TMEM43: variants seen among roughly 807,000 people sequenced by gnomAD.
The protein encoded by TMEM43 is transmembrane protein 43.
A neutral mutation model predicts 49.6 loss-of-function variants in TMEM43; 45 were observed. The ratio of observed to expected loss-of-function variants is 0.91; its 90% confidence interval spans 0.71 to 1.16. The LOEUF (loss-of-function observed/expected upper bound fraction) is 1.16. Among genes scored for constraint, TMEM43 ranks in the 50% most tolerant of loss-of-function variants. TMEM43 has a pLI of 0.00. For synonymous variants in TMEM43, 199 were observed against 207.8 expected (o/e 0.96, Z 0.36); for missense variants, 532 against 516.6 (o/e 1.03, Z -0.29).
chr3:14,129,371 A>C (rs776720890), intron 1 of TMEM43, 41 bp from the exon 2 acceptor site: 1 of 1,506,810 alleles, frequency 6.6e-7, no homozygotes, highest in Non-Finnish European at 9.0e-7. Context: ...ATTTATTTTT[A>C]AAAACTAGTT....
chr3:14,125,081 A>C lies in TMEM43; in HGVS notation c.-113A>C, dbSNP rs535621654. 9.2e-6 allele frequency: 13 copies of C among 1,409,802 alleles called. No individual in the cohort carries two copies. The East Asian group carries it at 9.6e-5, about 10-fold the overall frequency. 87.3% of individuals were successfully genotyped at this position (1,409,802 alleles called of 1,614,324 possible). On this transcript the variant is annotated 5_prime_UTR_variant, in exon 1 of 12. Transcript: ENST00000306077. ...TAAGTCCCGCTTGGCCCTGGAGTCC[A>C]CGCGGATTTTCGAAGCTGGGGCTGG...
chr3:14,134,697 G>A lies in TMEM43; in HGVS notation c.584-73G>A, dbSNP rs532124807. The A allele has an allele frequency of 2.4e-5, 39 of 1,606,778 alleles. No homozygotes were observed. In the African/African-American group the frequency reaches 4.3e-4, roughly 18 times the overall value. Reference sequence around the variant, plus strand: ...GGCTCCAGGGGTGCAGTGGAAGGGGGTCAGGCCAGGGACTTTGCAGATTGA... The same window carrying A: ...GGCTCCAGGGGTGCAGTGGAAGGGGATCAGGCCAGGGACTTTGCAGATTGA... On this transcript the variant is annotated intron_variant, in intron 7 of 11. Coordinates refer to ENST00000306077, the MANE Select transcript of TMEM43 (RefSeq NM_024334.3).
At chr3:14,132,431 G>GT in intron 4 of TMEM43, 115 bp from the exon 5 acceptor site, 2 of 1,052,564 alleles carry the variant, frequency 1.9e-6, no homozygotes, top group East Asian at 4.8e-5. Flanking sequence ...GGCATCTGCC[G>GT]TATCTGGGGA....
rs1285837389 is a variant in TMEM43, at chr3:14,139,190, A to C, written c.893A>C (p.His298Pro). 1.9e-6 allele frequency: 3 copies of C among 1,613,788 alleles called. No homozygotes were observed. Among genetic ancestry groups the C allele is most frequent in the East Asian group, 4.5e-5 (2 of 44,868 alleles). ...CACCTTGTCCTGCAGGAGGTGTTTC[A>C]TAGAGAACTAAGGAGCAACTCCATG... is the stretch of plus-strand genomic sequence containing the variant. ...HGDFSAEEVF[H>P]RELRSNSMKT... is the part of the protein sequence containing the mutation. Residue 298 changes from histidine to proline, a missense_variant, in exon 11 of 12, where the codon CAT becomes CCT. Physicochemically the swap from His to Pro is moderately conservative, Grantham distance 77. Coordinates refer to ENST00000306077, the MANE Select transcript of TMEM43 (RefSeq NM_024334.3).
intron 2 of TMEM43, 23 bp from the exon 3 acceptor site, chr3:14,130,799 T>TC (rs35334148): frequency 6.2e-7 from 1 of 1,612,908 alleles, no homozygotes; most frequent in South Asian, 1.1e-5. Context: ...GCTGTTGAAA[T>TC]CCCCACTCCC....
At chr3:14,131,705 G>A (rs1328689510) in intron 4 of TMEM43, 31 bp downstream of exon 4, 1 of 1,533,470 alleles carries the variant, frequency 6.5e-7, no homozygotes, top group Non-Finnish European at 9.0e-7. Context: ...CTCTGTTGGG[G>A]TAAAGGAGGA....
intron 10 of TMEM43, among the ~76,000 whole-genome samples, chr3:14,137,510 C>G (rs1695185891): frequency 6.6e-6 from 1 of 152,202 alleles, no homozygotes; most frequent in Admixed American, 6.5e-5. Context: ...GCCCTGTCTT[C>G]CCCCAGCCCA....
chr3:14,133,153 T>C (rs1261262751), intron 6 of TMEM43, among the ~76,000 whole-genome samples: 2 of 152,168 alleles, frequency 1.3e-5, no homozygotes, highest in Non-Finnish European at 2.9e-5. Flanking sequence ...GTCACAAATA[T>C]AAGGCCTGCA....
intron 8 of TMEM43, 35 bp from the exon 9 acceptor site, chr3:14,135,123 G>A (rs371182694): frequency 2.6e-5 from 42 of 1,597,208 alleles, no homozygotes; most frequent in Non-Finnish European, 3.3e-5. Context: ...CAGCTACTCC[G>A]TTCCTCACTC....
In TMEM43 at chr3:14,141,767, C is replaced by A; in HGVS notation, c.1175C>A (p.Thr392Lys). ...CTTGTGCCCATCCTTGTTGCTCGGA[C>A]ACGGGTGCCAGCCAAAAAGTTGGAG... is the stretch of plus-strand genomic sequence containing the variant. ...LALVPILVAR[T>K]RVPAKKLE Residue 392 changes from threonine (T) to lysine (K), a missense_variant, in exon 12 of 12, where the codon ACA becomes AAA. Coordinates refer to ENST00000306077, the MANE Select transcript of TMEM43 (RefSeq NM_024334.3). 1 of 1,613,888 alleles carries A rather than the reference C, an allele frequency of 6.2e-7. No homozygotes were observed.
chr3:14,135,269 G>T, intron 9 of TMEM43, 37 bp downstream of exon 9: 1 of 1,560,416 alleles, frequency 6.4e-7, no homozygotes, highest in South Asian at 1.1e-5. Context: ...CTAAGTCAGA[G>T]CCTCACGACT....
chr3:14,129,240 A>G (rs1358110954), intron 1 of TMEM43, among the ~76,000 whole-genome samples, 172 bp from the exon 2 acceptor site: 1 of 148,692 alleles, frequency 6.7e-6, no homozygotes, highest in Non-Finnish European at 1.5e-5. Context: ...GATGGAATAT[A>G]CGTTTGTGGA....
intron 5 of TMEM43, 61 bp downstream of exon 5, chr3:14,132,656 A>G (rs1574938163): frequency 5.7e-6 from 9 of 1,585,118 alleles, no homozygotes; most frequent in Non-Finnish European, 7.8e-6. Context: ...TGGTGGCTGG[A>G]CAGCAGGGCT....
intron 1 of TMEM43, among the ~76,000 whole-genome samples, chr3:14,126,025 C>T (rs1011008299): frequency 6.6e-6 from 1 of 152,182 alleles, no homozygotes; most frequent in African/African-American, 2.4e-5. Flanking sequence ...CCCAGACACA[C>T]CCTCCCTCCT....
chr3:14,132,823 C>T lies in TMEM43; in HGVS notation c.443-43C>T, dbSNP rs768069110. ...TGGGCTGGTGGGTCTCAGCCGCGTG[C>T]CACTCCTACCCGGGCTCTGAGTTGA... On this transcript the variant is annotated intron_variant, in intron 5 of 11. Transcript: ENST00000306077. 30 of 1,593,038 alleles carry T rather than the reference C, an allele frequency of 1.9e-5. No individual in the cohort carries two copies. The East Asian group carries it at 6.5e-4, about 34-fold the overall frequency.
chr3:14,140,053 T>C (rs753324957), intron 11 of TMEM43, among the ~76,000 whole-genome samples: 6 of 152,174 alleles, frequency 3.9e-5, no homozygotes, highest in Non-Finnish European at 8.8e-5. Flanking sequence ...AGAAACCTCT[T>C]CCCCACTCAG....
In TMEM43 at chr3:14,135,222, C is replaced by T; in HGVS notation, c.770C>T (p.Pro257Leu). ...GLSGDDPDLG[P>L]AHVVTVIARQ... is the part of the protein sequence containing the mutation. ...AGCGGCGATGACCCTGACCTGGGCC[C>T]AGCTCACGTGGTAACCTGGCTTCCC... is the stretch of plus-strand genomic sequence containing the variant. The change falls in exon 9 of 12, where the codon CCA (proline) becomes CTA (leucine). Residue 257 changes from proline to leucine, a missense_variant. Physicochemically the swap from Pro to Leu is moderately conservative, Grantham distance 98. Transcript: ENST00000306077. 6.2e-7 allele frequency: 1 copy of T among 1,612,194 alleles called. No individual in the cohort carries two copies. The highest frequency in any genetic ancestry group is 8.5e-7 in the Non-Finnish European group (1 of 1,179,934).
chr3:14,125,144 C>T lies in TMEM43; in HGVS notation c.-50C>T. 2 of 1,607,404 alleles carry T rather than the reference C, an allele frequency of 1.2e-6. No homozygotes were observed. Among genetic ancestry groups the T allele is most frequent in the African/African-American group, 2.7e-5 (2 of 75,006 alleles). Reference sequence around the variant, plus strand: ...GGACACCACGCTCCAGTCGTCAGCCCACTTCCTAGCTGAACAGCGCGAGGC... The same window carrying T: ...GGACACCACGCTCCAGTCGTCAGCCTACTTCCTAGCTGAACAGCGCGAGGC... On this transcript the variant is annotated 5_prime_UTR_variant, in exon 1 of 12. Transcript: ENST00000306077.
intron 9 of TMEM43, 40 bp from the exon 10 acceptor site, chr3:14,135,767 C>T (rs1695160650): frequency 1.3e-6 from 2 of 1,575,286 alleles, no homozygotes; most frequent in Non-Finnish European, 1.7e-6. Context: ...GTGTCTCCCG[C>T]TGGTCACCCC....
Sources: gnomAD v4.1 joint callset for allele counts (sites outside exome capture counted in the v4.1 genomes callset) on GRCh38, gnomAD v4.1.1 for gene constraint, MANE v1.5 for transcripts, NCBI Gene and HGNC (gene_info 2026-07-23, HGNC 2026-07-21) for gene names.